The following TRIM69 variants were observed in gnomAD, a reference collection of about 807,000 sequenced individuals.
The protein encoded by TRIM69 is E3 ubiquitin-protein ligase TRIM69.
In TRIM69, 29 loss-of-function variants were observed where a neutral mutation model predicts 37.7. The observed-to-expected ratio is 0.77, with a 90% confidence interval of 0.57 to 1.05. The LOEUF (loss-of-function observed/expected upper bound fraction) is 1.05, where lower values mean the gene tolerates loss of function less well. Ranked by LOEUF, TRIM69 falls within the 50% of genes least tolerant of loss-of-function variation. TRIM69 has a pLI of 0.00. For synonymous variants in TRIM69, 209 were observed against 212.4 expected (o/e 0.98, Z 0.14); for missense variants, 596 against 579.9 (o/e 1.03, Z -0.28).
chr15:44,757,739 TCTCA>T (rs1465788622), intron 3 of TRIM69: 2 of 152,078 alleles, frequency 1.3e-5, no homozygotes, highest in African/African-American at 4.8e-5. Flanking sequence ...AGAGACTGGG[TCTCA>T]CTATGTTGCC....
At chr15:44,748,353 G>T (rs1378339861) in intron 1 of TRIM69, among the ~76,000 whole-genome samples, 3 of 152,186 alleles carry the variant, frequency 2.0e-5, no homozygotes, top group African/African-American at 7.2e-5. Context: ...GACCCAGGAA[G>T]TATGGGCATA....
chr15:44,756,451 T>G lies in TRIM69; in HGVS notation c.567T>G (p.Ile189Met). The G allele has an allele frequency of 2.6e-6, 4 of 1,550,982 alleles. 1 individual carries two copies. The South Asian group carries it at 4.8e-5, about 18-fold the overall frequency. The change falls in exon 3 of 7, where the codon ATT becomes ATG. Residue 189 changes from isoleucine (I) to methionine (M), a missense_variant. Coordinates refer to ENST00000329464, the MANE Select transcript of TRIM69 (RefSeq NM_182985.5). Reference protein sequence around the residue: ...QTLRNMQKEAIAAHKENKLHL... With the variant: ...QTLRNMQKEAMAAHKENKLHL... ...TGAGGAACATGCAGAAGGAAGCTATTGCTGCTCACAAGGTGAGGAGCAAGA... is the reference window on the plus strand; with the variant it reads ...TGAGGAACATGCAGAAGGAAGCTATGGCTGCTCACAAGGTGAGGAGCAAGA...
intron 6 of TRIM69, 83 bp from the exon 7 acceptor site, chr15:44,767,148 A>AT: frequency 8.8e-7 from 1 of 1,134,058 alleles, no homozygotes; most frequent in Admixed American, 2.2e-5. Context: ...GTACTATTGA[A>AT]TATGAAATAC....
intron 6 of TRIM69, among the ~76,000 whole-genome samples, 146 bp from the exon 7 acceptor site, chr15:44,767,074 AAAAAAAAAAAG>A: frequency 6.8e-6 from 1 of 147,810 alleles, no homozygotes; most frequent in African/African-American, 2.5e-5. Context: ...AAAAAAAAAA[AAAAAAAAAAAG>A]CATATAAGTA....
intron 1 of TRIM69, among the ~76,000 whole-genome samples, chr15:44,746,905 A>G (rs766134688): frequency 1.3e-5 from 2 of 152,236 alleles, no homozygotes; most frequent in African/African-American, 2.4e-5. Flanking sequence ...GTCAAAAACC[A>G]CAAGGAGAAT....
intron 1 of TRIM69, among the ~76,000 whole-genome samples, chr15:44,752,078 C>T (rs964536919): frequency 7.2e-5 from 11 of 152,060 alleles, no homozygotes; most frequent in Admixed American, 5.9e-4. Flanking sequence ...TTACTCATCT[C>T]AAAGTATTTT....
chr15:44,736,801 C>G, intron 1 of TRIM69, 91 bp downstream of exon 1: 1 of 1,472,318 alleles, frequency 6.8e-7, no homozygotes, highest in Non-Finnish European at 9.2e-7. Context: ...TTTAGGAGCA[C>G]AAAAGGAAAT....
rs374559258 is a variant in TRIM69 at position 44,767,257 on chromosome 15, A to G, written c.988A>G (p.Lys330Glu). 11 of 1,613,690 alleles carry G rather than the reference A, an allele frequency of 6.8e-6. No homozygotes were observed. The highest frequency in any genetic ancestry group is 9.3e-6 in the Non-Finnish European group (11 of 1,179,966). The change falls in exon 7 of 7, where the codon AAA (lysine) becomes GAA (glutamate). Residue 330 changes from lysine to glutamate, a missense_variant. Transcript: ENST00000329464. The part of the protein sequence containing the change: ...PGLSPLTLDP[K>E]TAHPNLVLSK... ...CCTGTCTCCACTAACTCTGGACCCT[A>G]AAACAGCTCACCCAAATCTGGTGCT...
intron 1 of TRIM69, chr15:44,753,037 G>A (rs2087568256): frequency 1.3e-5 from 2 of 152,132 alleles, no homozygotes; most frequent in Admixed American, 1.3e-4. Flanking sequence ...GGAAAAAGAG[G>A]AGTTAGAAAC....
At chr15:44,737,099 T>G (rs999407009) in intron 1 of TRIM69, among the ~76,000 whole-genome samples, 1 of 152,216 alleles carries the variant, frequency 6.6e-6, no homozygotes, top group African/African-American at 2.4e-5. Context: ...ATAGTAAACA[T>G]TTTTAATTGA....
intron 6 of TRIM69, among the ~76,000 whole-genome samples, chr15:44,763,719 G>A (rs565303857): frequency 6.6e-6 from 1 of 152,272 alleles, no homozygotes; most frequent in South Asian, 2.1e-4. Context: ...GCTGGATTTT[G>A]TTGTAGTTCT....
At chr15:44,736,814 A>G in intron 1 of TRIM69, 104 bp downstream of exon 1, 1 of 1,375,006 alleles carries the variant, frequency 7.3e-7, no homozygotes, top group Non-Finnish European at 1.0e-6. Flanking sequence ...AAGGAAATTC[A>G]TGAAGGGAAG....
At chr15:44,761,385 T>C (rs1306175469) in intron 6 of TRIM69, among the ~76,000 whole-genome samples, 1 of 152,240 alleles carries the variant, frequency 6.6e-6, no homozygotes, top group African/African-American at 2.4e-5. Context: ...TTCCAAAACT[T>C]GATATTGTCA....
At chr15:44,752,022 T>C (rs2141323792) in intron 1 of TRIM69, among the ~76,000 whole-genome samples, 1 of 152,288 alleles carries the variant, frequency 6.6e-6, no homozygotes, top group East Asian at 1.9e-4. Flanking sequence ...CCCAAAGTGC[T>C]GGGATTAGAG....
intron 1 of TRIM69, among the ~76,000 whole-genome samples, chr15:44,739,604 C>A: frequency 6.6e-6 from 1 of 152,234 alleles, no homozygotes; most frequent in East Asian, 1.9e-4. Flanking sequence ...GAGGGCCCTA[C>A]GCCCATGGAG....
At chr15:44,756,606 T>G in intron 3 of TRIM69, 143 bp downstream of exon 3, 1 of 596,286 alleles carries the variant, frequency 1.7e-6, no homozygotes, top group Non-Finnish European at 3.0e-6. Flanking sequence ...ACTGAGTCTG[T>G]AGGGTGGAAA....
chr15:44,746,069 C>CCAGAT (rs1555393397), intron 1 of TRIM69, among the ~76,000 whole-genome samples: 2 of 151,524 alleles, frequency 1.3e-5, no homozygotes, highest in East Asian at 3.9e-4. Flanking sequence ...AGAGCCACAC[C>CCAGAT]AAGTTATAAT....
intron 1 of TRIM69, among the ~76,000 whole-genome samples, chr15:44,742,115 C>T (rs1334872722): frequency 6.6e-6 from 1 of 151,122 alleles, no homozygotes; most frequent in South Asian, 2.1e-4. Context: ...AAAGCTTATC[C>T]ACCATGATCA....
chr15:44,756,535 C>T (rs1267782493), intron 3 of TRIM69, 72 bp downstream of exon 3: 2 of 1,019,768 alleles, frequency 2.0e-6, no homozygotes, highest in Non-Finnish European at 3.0e-6. Flanking sequence ...GCTATGGGTA[C>T]AAAGGTGCCT....
Sources: gnomAD v4.1 joint callset for allele counts (sites outside exome capture counted in the v4.1 genomes callset) on GRCh38, gnomAD v4.1.1 for gene constraint, MANE v1.5 for transcripts, NCBI Gene and HGNC (gene_info 2026-07-23, HGNC 2026-07-21) for gene names.